The following MEOX2 variants were observed in gnomAD, a reference collection of about 807,000 sequenced individuals.
MEOX2 encodes the protein homeobox protein MOX-2.
MEOX2 carries 11 observed loss-of-function variants against 27.0 expected under a neutral mutation model. That is an observed-to-expected ratio of 0.41 (90% confidence interval 0.26 to 0.68). The LOEUF is 0.68. MEOX2 is among the 30% of genes least tolerant of loss of function. MEOX2 has a pLI of 0.33. For synonymous variants in MEOX2, 189 were observed against 155.4 expected, an observed-to-expected ratio of 1.22 and a Z score of -1.61; for missense variants, 436 against 385.4, an observed-to-expected ratio of 1.13 and a Z score of -1.10.
intron 2 of MEOX2, 127 bp downstream of exon 2, chr7:15,626,619 G>T: frequency 3.7e-6 from 2 of 546,674 alleles, no homozygotes; most frequent in Non-Finnish European, 6.2e-6. Context: ...ATTTTATCAT[G>T]GAATAGTATA....
In MEOX2 at chr7:15,611,755, G is replaced by A. The variant is rs1185637464; in HGVS notation, c.*632C>T. The stretch of plus-strand genomic sequence containing the variant: ...ATAAAAAAGACAAGAAACTGGCTCT[G>A]GTTGTCATTGTGAGTGCCTATTTTC... On this transcript the variant is annotated 3_prime_UTR_variant, in exon 3 of 3. Coordinates refer to ENST00000262041, the MANE Select transcript of MEOX2 (RefSeq NM_005924.5). 1 of 153,104 alleles carries A rather than the reference G, an allele frequency of 6.5e-6. No individual in the cohort carries two copies. Among genetic ancestry groups the A allele is most frequent in the Non-Finnish European group, 1.5e-5 (1 of 68,468 alleles). 9.5% of individuals were successfully genotyped at this position (153,104 alleles called of 1,614,324 possible).
intron 2 of MEOX2, among the ~76,000 whole-genome samples, chr7:15,626,363 T>A (rs1474096442): frequency 1.3e-5 from 2 of 152,076 alleles, no homozygotes; most frequent in African/African-American, 4.8e-5. Flanking sequence ...TCATGACCTA[T>A]CCTGAGCAAT....
At chr7:15,619,123 T>C (rs931599851) in intron 2 of MEOX2, among the ~76,000 whole-genome samples, 2 of 152,058 alleles carry the variant, frequency 1.3e-5, no homozygotes, top group African/African-American at 4.8e-5. Context: ...AACATATGTA[T>C]GTACTCTTCT....
intron 2 of MEOX2, among the ~76,000 whole-genome samples, chr7:15,616,997 A>G (rs541824564): frequency 6.6e-6 from 1 of 152,162 alleles, no homozygotes; most frequent in East Asian, 1.9e-4. Flanking sequence ...AGGTTTCACA[A>G]TATATTACCA....
At position 15,612,379 on chromosome 7, in the gene MEOX2, T is replaced by C. The variant is rs1454859001; in HGVS notation, c.*8A>G. ...TTTCCTGAGAATGGAGCTGGTCCTC[T>C]GTTTATATCATAAGTGCGCATGCTC... On this transcript the variant is annotated 3_prime_UTR_variant, in exon 3 of 3. Transcript: ENST00000262041. 1 of 1,609,944 alleles carries C rather than the reference T, an allele frequency of 6.2e-7. No individual in the cohort carries two copies. The highest frequency in any genetic ancestry group is 8.5e-7 in the Non-Finnish European group (1 of 1,176,596).
intron 1 of MEOX2, among the ~76,000 whole-genome samples, chr7:15,639,767 A>T (rs1583758703): frequency 6.6e-6 from 1 of 152,156 alleles, no homozygotes; most frequent in Admixed American, 6.5e-5. Context: ...GAGATCAGCT[A>T]GCATTAGGAG....
chr7:15,635,491 A>AG (rs1781466674), intron 1 of MEOX2, among the ~76,000 whole-genome samples: 1 of 152,012 alleles, frequency 6.6e-6, no homozygotes, highest in Non-Finnish European at 1.5e-5. Context: ...GCTCATCTTT[A>AG]ACACAGACTT....
chr7:15,652,100 A>T (rs1454786850), intron 1 of MEOX2, among the ~76,000 whole-genome samples: 9 of 152,034 alleles, frequency 5.9e-5, no homozygotes, highest in Admixed American at 5.9e-4. Flanking sequence ...GGGATTTAAG[A>T]CTCAATTGCT....
chr7:15,619,197 G>C (rs4326285), intron 2 of MEOX2, among the ~76,000 whole-genome samples: 102,164 of 151,808 alleles, frequency 0.67, 34,615 homozygotes, highest in East Asian at 0.81. Context: ...AAACTTGCAC[G>C]AGCTTCTCAA....
intron 1 of MEOX2, among the ~76,000 whole-genome samples, chr7:15,660,024 A>C (rs777062365): frequency 7.2e-5 from 11 of 152,170 alleles, no homozygotes; most frequent in Admixed American, 6.5e-5. Flanking sequence ...AAGCATGTGC[A>C]ATGATCTATA....
At chr7:15,654,539 G>A (rs993586019) in intron 1 of MEOX2, among the ~76,000 whole-genome samples, 25 of 151,726 alleles carry the variant, frequency 1.6e-4, no homozygotes, top group African/African-American at 5.6e-4. Flanking sequence ...TAGGCTGCCA[G>A]TAAATTTATT....
intron 1 of MEOX2, among the ~76,000 whole-genome samples, chr7:15,644,076 C>G (rs1472874088): frequency 6.6e-6 from 1 of 152,156 alleles, no homozygotes; most frequent in East Asian, 1.9e-4. Context: ...GTGGACCTGT[C>G]TTGGGTGCAT....
In MEOX2 at chr7:15,666,685, G is replaced by A. The variant is rs1239531531; in HGVS notation, c.517+19201C>T. On this transcript the variant is annotated intron_variant, in intron 1 of 2. Transcript: ENST00000262041. The stretch of plus-strand genomic sequence containing the variant: ...GAGAATTGCTTGAACCTGGGAGGCG[G>A]AGGTTGCAGTGAGCCGAGATCGTGC... 3.5e-5 allele frequency among the ~76,000 whole-genome samples: 5 copies of A among 144,576 alleles called. No homozygotes were observed. The East Asian group carries it at 8.3e-4, about 24-fold the overall frequency. The allele number at this position is 144,576 out of a possible 152,430, so 94.8% of individuals were successfully genotyped here.
intron 1 of MEOX2, among the ~76,000 whole-genome samples, chr7:15,627,290 T>C (rs1271043749): frequency 6.6e-6 from 1 of 152,104 alleles, no homozygotes; most frequent in Non-Finnish European, 1.5e-5. Context: ...CTAAGTAAGA[T>C]TGAACATAGT....
intron 2 of MEOX2, among the ~76,000 whole-genome samples, chr7:15,616,227 CT>C (rs1185247632): frequency 8.6e-5 from 13 of 151,538 alleles, no homozygotes; most frequent in Non-Finnish European, 1.8e-4. Flanking sequence ...ATATTTGATA[CT>C]GAAATTCTGT....
chr7:15,650,190 C>G (rs749035128), intron 1 of MEOX2, among the ~76,000 whole-genome samples: 1 of 152,052 alleles, frequency 6.6e-6, no homozygotes, highest in Non-Finnish European at 1.5e-5. Context: ...AAAAACTATA[C>G]TTGCTTCCTT....
chr7:15,683,376 G>A lies in MEOX2; in HGVS notation c.517+2510C>T, dbSNP rs1782322836. On this transcript the variant is annotated intron_variant, in intron 1 of 2. Coordinates refer to ENST00000262041, the MANE Select transcript of MEOX2 (RefSeq NM_005924.5). ...AAATACAAATGATCTCACTATATAG[G>A]ATGACATTTTTATCTAATACAATTT... Among the ~76,000 whole-genome samples the A allele has an allele frequency of 3.3e-5, 5 of 152,008 alleles. No homozygotes were observed. In the South Asian group the frequency reaches 1.0e-3, roughly 32 times the overall value.
In MEOX2 at chr7:15,611,397, T is replaced by G. The variant is rs1272735101; in HGVS notation, c.*990A>C. The G allele has an allele frequency of 6.6e-6, 1 of 152,610 alleles. No individual in the cohort carries two copies. Among genetic ancestry groups the G allele is most frequent in the Non-Finnish European group, 1.5e-5 (1 of 68,030 alleles). 9.5% of individuals were successfully genotyped at this position (152,610 alleles called of 1,614,324 possible). On this transcript the variant is annotated 3_prime_UTR_variant, in exon 3 of 3. Transcript: ENST00000262041. ...CGCTTTGCACCTTGTCTAACACTGT[T>G]GTCAATCAGGAAGAAATGTTTTCTT...
chr7:15,663,386 G>A (rs960358798), intron 1 of MEOX2, among the ~76,000 whole-genome samples: 12 of 150,556 alleles, frequency 8.0e-5, no homozygotes, highest in Admixed American at 2.7e-4. Context: ...AAGCTGGAAC[G>A]CAGTGGCACG....
Sources: gnomAD v4.1 joint callset for allele counts (sites outside exome capture counted in the v4.1 genomes callset) on GRCh38, gnomAD v4.1.1 for gene constraint, MANE v1.5 for transcripts, NCBI Gene and HGNC (gene_info 2026-07-23, HGNC 2026-07-21) for gene names.